Variants in MYO18B observed in about 807,000 individuals in gnomAD.
MYO18B encodes unconventional myosin-XVIIIb.
In MYO18B, 204 loss-of-function variants were observed where a neutral mutation model predicts 273.0. The observed-to-expected ratio is 0.75, with a 90% CI of 0.67 to 0.84. MYO18B has a LOEUF of 0.84. MYO18B is among the 40% of genes least tolerant of loss of function. The probability of loss-of-function intolerance (pLI) is 0.00; values close to 1 mark genes in which losing one functional copy is unlikely to be tolerated. For synonymous variants in MYO18B, 1,330 were observed against 1,305.7 expected (o/e 1.02, Z -0.40); for missense variants, 3,212 against 3,287.6 (o/e 0.98, Z 0.56).
rs768070551 is a variant in MYO18B, at chr22:25,992,446, G to A, written c.6240G>A (p.Leu2080=). The change falls in exon 40 of 44, where the codon CTG becomes CTA. Residue 2080 remains leucine (L), a synonymous_variant. Transcript: ENST00000335473. ...LETSIRRIAD[L]QAALEEVASS... ...CATCCATTCGGCGGATTGCCGACCTGCAGGCTGCCTTGGAAGAAGTGGCAT... is the reference window on the plus strand; with the variant it reads ...CATCCATTCGGCGGATTGCCGACCTACAGGCTGCCTTGGAAGAAGTGGCAT... The A allele has an allele frequency of 1.2e-6, 2 of 1,614,020 alleles. No homozygotes were observed. Among genetic ancestry groups the A allele is most frequent in the Non-Finnish European group, 1.7e-6 (2 of 1,179,908 alleles).
rs376763418 is a variant in MYO18B, at chr22:25,768,795, G to A, written c.879G>A (p.Val293=). The change falls in exon 4 of 44, where the codon GTG becomes GTA. Residue 293 remains valine (V), a synonymous_variant. Coordinates refer to ENST00000335473, the MANE Select transcript of MYO18B (RefSeq NM_032608.7). ...AGGGAGCAGAGCCCACAAACACGGT[G>A]GAAAAGGGGAATGTCTCTAAGGACG... ...EKEGAEPTNT[V]EKGNVSKDVG... is the part of the protein sequence containing the mutation. The A allele has an allele frequency of 7.1e-5, 114 of 1,609,726 alleles. No individual in the cohort carries two copies. Among genetic ancestry groups the A allele is most frequent in the Middle Eastern group, 1.6e-4 (1 of 6,082 alleles).
At chr22:25,870,505 A>G (rs1164656112) in intron 22 of MYO18B, among the ~76,000 whole-genome samples, 3 of 152,240 alleles carry the variant, frequency 2.0e-5, no homozygotes, top group Non-Finnish European at 4.4e-5. Context: ...ATATGGTATT[A>G]TAATGTTATG....
chr22:25,985,166 G>T (rs2093187502), intron 39 of MYO18B, among the ~76,000 whole-genome samples: 1 of 152,094 alleles, frequency 6.6e-6, no homozygotes, highest in Admixed American at 6.5e-5. Flanking sequence ...TTAGAGACAA[G>T]CCTGGCCAAC....
intron 25 of MYO18B, among the ~76,000 whole-genome samples, chr22:25,881,403 G>T (rs1343005179): frequency 1.3e-5 from 2 of 152,248 alleles, no homozygotes; most frequent in Non-Finnish European, 2.9e-5. Flanking sequence ...CGTGCCTGAT[G>T]TCTCATTCAT....
chr22:25,877,083 A>C (rs1736470192), intron 24 of MYO18B: 1 of 152,230 alleles, frequency 6.6e-6, no homozygotes, highest in African/African-American at 2.4e-5. Context: ...AGTGCTGAGC[A>C]CCGTGTCCAT....
intron 22 of MYO18B, among the ~76,000 whole-genome samples, chr22:25,873,191 G>T (rs2091095604): frequency 6.6e-6 from 1 of 152,134 alleles, no homozygotes; most frequent in Non-Finnish European, 1.5e-5. Flanking sequence ...CCTCATTCCT[G>T]TTCCCTGCAG....
intron 1 of MYO18B, among the ~76,000 whole-genome samples, chr22:25,748,022 C>T (rs1388539597): frequency 6.6e-6 from 1 of 152,158 alleles, no homozygotes; most frequent in Non-Finnish European, 1.5e-5. Context: ...CAACCCTTTG[C>T]AGAGTGAAAT....
At chr22:25,934,541 G>A (rs2146522080) in intron 34 of MYO18B, among the ~76,000 whole-genome samples, 1 of 152,260 alleles carries the variant, frequency 6.6e-6, no homozygotes, top group African/African-American at 2.4e-5. Context: ...ACAGCCTCAG[G>A]AAGTCCTGAC....
chr22:26,025,507 G>T (rs529639680), intron 42 of MYO18B, among the ~76,000 whole-genome samples: 206 of 152,324 alleles, frequency 1.4e-3, no homozygotes, highest in African/African-American at 4.7e-3. Flanking sequence ...AAACCCGCGT[G>T]TGCATCGCCC....
chr22:25,870,481 A>G (rs1422665344), intron 22 of MYO18B, among the ~76,000 whole-genome samples: 7 of 152,230 alleles, frequency 4.6e-5, no homozygotes, highest in Admixed American at 4.6e-4. Flanking sequence ...AAACACAGAA[A>G]AAGTAGAGTA....
intron 39 of MYO18B, among the ~76,000 whole-genome samples, chr22:25,989,508 C>T (rs1467455119): frequency 2.0e-5 from 3 of 151,320 alleles, no homozygotes; most frequent in Non-Finnish European, 2.9e-5. Flanking sequence ...GCTGGCCGGG[C>T]GTGGTGGCTC....
At position 26,030,770 on chromosome 22, in the gene MYO18B, C is replaced by A. The variant is rs929427998; in HGVS notation, c.*340C>A. On this transcript the variant is annotated 3_prime_UTR_variant, in exon 44 of 44. Coordinates refer to ENST00000335473, the MANE Select transcript of MYO18B (RefSeq NM_032608.7). Reference sequence around the variant, plus strand: ...TAGTTTGGGGTGTATACTTCTATTTCTCTTCCTACATGTCTACATGCCATG... The same window carrying A: ...TAGTTTGGGGTGTATACTTCTATTTATCTTCCTACATGTCTACATGCCATG... The A allele has an allele frequency of 8.6e-5, 34 of 395,284 alleles. 1 individual carries two copies. The highest frequency in any genetic ancestry group is 1.3e-4 in the Non-Finnish European group (30 of 224,614). 24.5% of individuals were successfully genotyped at this position (395,284 alleles called of 1,614,324 possible).
At position 25,763,243 on chromosome 22, in the gene MYO18B, G is replaced by T; in HGVS notation, c.52G>T (p.Asp18Tyr). The T allele has an allele frequency of 6.2e-7, 1 of 1,610,056 alleles. No individual in the cohort carries two copies. The highest frequency in any genetic ancestry group is 8.5e-7 in the Non-Finnish European group (1 of 1,177,530). ...ALWEQKIREE[D>Y]KSPPPSSPPP... ...TTCTGCAAAACAGATTCGGGAAGAGGACAAGAGCCCTCCACCATCCTCGCC... is the reference window on the plus strand; with the variant it reads ...TTCTGCAAAACAGATTCGGGAAGAGTACAAGAGCCCTCCACCATCCTCGCC... The change falls in exon 3 of 44, where the codon GAC (aspartate) becomes TAC (tyrosine). Residue 18 changes from aspartate (D) to tyrosine (Y), a missense_variant. Physicochemically the swap from Asp to Tyr is radical, Grantham distance 160. Transcript: ENST00000335473.
chr22:26,061,873 T>A, the MYO18B span, among the ~76,000 whole-genome samples: 1 of 137,280 alleles, frequency 7.3e-6, no homozygotes, highest in Non-Finnish European at 1.6e-5. Flanking sequence ...TTCCATGATT[T>A]AAAAATTGAT....
Position 25,846,173 on chromosome 22 carries a change from G to A in MYO18B, c.3442G>A (p.Gly1148Ser). ...GTGCCGGGCTGTGGCAGGCCTGGAG[G>A]GCACCTCCCAGCAGGCCCTGCAGAG... Reference protein sequence around the residue: ...PVCRAVAGLEGTSQQALQRSR... With the variant: ...PVCRAVAGLESTSQQALQRSR... Residue 1148 changes from glycine to serine, a missense_variant, in exon 19 of 44, where the codon GGC becomes AGC. Transcript: ENST00000335473. The A allele has an allele frequency of 6.2e-7, 1 of 1,611,470 alleles. No homozygotes were observed. Among genetic ancestry groups the A allele is most frequent in the Non-Finnish European group, 8.5e-7 (1 of 1,179,386 alleles).
intron 33 of MYO18B, among the ~76,000 whole-genome samples, chr22:25,912,803 C>T (rs2092183509): frequency 6.6e-6 from 1 of 152,112 alleles, no homozygotes. Flanking sequence ...CCAGATGAAA[C>T]CATTCCCCGG....
At chr22:25,759,704 G>C (rs767301241) in intron 1 of MYO18B, among the ~76,000 whole-genome samples, 1 of 152,180 alleles carries the variant, frequency 6.6e-6, no homozygotes, top group Non-Finnish European at 1.5e-5. Context: ...GGAAGTAACA[G>C]GTGTAAATAA....
chr22:25,765,408 C>T (rs752310545), intron 3 of MYO18B, among the ~76,000 whole-genome samples: 2 of 152,204 alleles, frequency 1.3e-5, no homozygotes, highest in Non-Finnish European at 2.9e-5. Context: ...GAATCCATCC[C>T]ATTTTGCAGG....
chr22:25,917,882 A>G (rs1165178299), intron 33 of MYO18B, among the ~76,000 whole-genome samples: 1 of 152,118 alleles, frequency 6.6e-6, no homozygotes, highest in Non-Finnish European at 1.5e-5. Flanking sequence ...GCTTAATCAT[A>G]ATTTTTTACT....
Sources: gnomAD v4.1 joint callset for allele counts (sites outside exome capture counted in the v4.1 genomes callset) on GRCh38, gnomAD v4.1.1 for gene constraint, MANE v1.5 for transcripts, NCBI Gene and HGNC (gene_info 2026-07-23, HGNC 2026-07-21) for gene names.